GPR137B: variants seen among roughly 807,000 people sequenced by gnomAD.
GPR137B encodes integral membrane protein GPR137B.
Under a neutral mutation model 42.5 loss-of-function variants are expected in GPR137B, and 42 were observed. That is an observed-to-expected ratio of 0.99 (90% CI 0.77 to 1.28). The LOEUF (loss-of-function observed/expected upper bound fraction) is 1.28. Among genes scored for constraint, GPR137B ranks in the 50% most tolerant of loss-of-function variants. The pLI, the probability that GPR137B is intolerant of heterozygous loss-of-function variation, is 0.00. For synonymous variants in GPR137B, 218 were observed against 209.7 expected, an observed-to-expected ratio of 1.04 and a Z score of -0.34; for missense variants, 487 against 493.9, an observed-to-expected ratio of 0.99 and a Z score of 0.13.
intron 1 of GPR137B, among the ~76,000 whole-genome samples, chr1:236,167,059 T>C (rs1016738754): frequency 1.3e-5 from 2 of 152,166 alleles, no homozygotes; most frequent in Non-Finnish European, 2.9e-5. Flanking sequence ...GTTTAGGAAC[T>C]CCATGGAGAG....
chr1:236,165,849 T>A (rs1388934461), intron 1 of GPR137B, among the ~76,000 whole-genome samples: 2 of 152,234 alleles, frequency 1.3e-5, no homozygotes, highest in East Asian at 3.8e-4. Context: ...CGGTAATATT[T>A]CTTACCAATT....
rs529904868 is a variant in GPR137B, at chr1:236,190,415, T to A, written c.966+6509T>A. Among the ~76,000 whole-genome samples, 132 of 152,348 alleles carry A rather than the reference T, an allele frequency of 8.7e-4. 3 individuals are homozygous for A. In the Middle Eastern group the frequency reaches 0.01, roughly 12 times the overall value. On this transcript the variant is annotated intron_variant, in intron 5 of 6. Coordinates refer to ENST00000366592, the MANE Select transcript of GPR137B (RefSeq NM_003272.4). ...ATTTTGCCCATTAGTTGATGCAGCT[T>A]CTTTATAGTGTTGACGGGCTTTACA... is the stretch of plus-strand genomic sequence containing the variant.
At chr1:236,193,526 T>C (rs1203819187) in intron 5 of GPR137B, among the ~76,000 whole-genome samples, 1 of 152,194 alleles carries the variant, frequency 6.6e-6, no homozygotes, top group Non-Finnish European at 1.5e-5. Context: ...TCCACGCTCC[T>C]AGCACTTGTT....
At position 236,150,189 on chromosome 1, in the gene GPR137B, G is replaced by A. The variant is rs760885883; in HGVS notation, c.414+7153G>A. 2.0e-5 allele frequency among the ~76,000 whole-genome samples: 3 copies of A among 149,958 alleles called. No individual in the cohort carries two copies. The highest frequency in any genetic ancestry group is 4.4e-5 in the Non-Finnish European group (3 of 67,538). ...TGTGTGCCCGTTTGTGTTTGTGTGT[G>A]TCTGTGTGCCTGTGTGTGTGTCTGT... On this transcript the variant is annotated intron_variant, in intron 1 of 6. Coordinates refer to ENST00000366592, the MANE Select transcript of GPR137B (RefSeq NM_003272.4). The surrounding 1 kb of genome is among the most constrained non-coding windows in gnomAD (Gnocchi z 6.2).
At chr1:236,163,576 C>T (rs964477628) in intron 1 of GPR137B, among the ~76,000 whole-genome samples, 10 of 152,118 alleles carry the variant, frequency 6.6e-5, no homozygotes, top group South Asian at 2.1e-4. Context: ...AATTGAATCA[C>T]GGGGGCCGGT....
chr1:236,175,653 C>T (rs572608338), intron 2 of GPR137B, among the ~76,000 whole-genome samples: 1 of 152,234 alleles, frequency 6.6e-6, no homozygotes, highest in Middle Eastern at 3.4e-3. Context: ...TTGGCCCATA[C>T]CCCCCTCCCC....
intron 1 of GPR137B, among the ~76,000 whole-genome samples, chr1:236,154,742 A>G (rs950849443): frequency 6.6e-6 from 1 of 152,074 alleles, no homozygotes; most frequent in Non-Finnish European, 1.5e-5. Flanking sequence ...AAACTGGGGT[A>G]CTTTCCCTGC....
chr1:236,167,749 C>A (rs1662402972), intron 1 of GPR137B, among the ~76,000 whole-genome samples: 1 of 152,206 alleles, frequency 6.6e-6, no homozygotes, highest in African/African-American at 2.4e-5. Flanking sequence ...AGACCCCCCA[C>A]TGAGATCCCC....
rs1025380180 is a variant in GPR137B, at chr1:236,142,596, C to T, written c.-27C>T. ...TGAGCGCGATGCGCGGAGACCCCCG[C>T]GGGGGCGGCGGCGGCCGTGAGCCCC... On this transcript the variant is annotated 5_prime_UTR_variant, in exon 1 of 7. Transcript: ENST00000366592. The T allele has an allele frequency of 3.9e-6, 5 of 1,284,660 alleles. No homozygotes were observed. Among genetic ancestry groups the T allele is most frequent in the Admixed American group, 4.3e-5 (1 of 23,480 alleles). 79.6% of individuals were successfully genotyped at this position (1,284,660 alleles called of 1,614,324 possible). A position where few individuals can be genotyped will look rare whatever the true frequency, so the allele number is the denominator to read the frequency against.
intron 1 of GPR137B, among the ~76,000 whole-genome samples, chr1:236,149,406 C>T (rs974836198): frequency 6.6e-6 from 1 of 152,172 alleles, no homozygotes; most frequent in Non-Finnish European, 1.5e-5. Context: ...CTGACCGATC[C>T]GTGCTTGCTA....
chr1:236,169,692 C>T (rs1298495299), intron 2 of GPR137B, among the ~76,000 whole-genome samples: 1 of 151,978 alleles, frequency 6.6e-6, no homozygotes, highest in African/African-American at 2.4e-5. Flanking sequence ...GTAGCTCTCC[C>T]CAGAGGGGAG....
In GPR137B at chr1:236,183,573, G is replaced by A. The variant is rs75355636; in HGVS notation, c.838-205G>A. Among the ~76,000 whole-genome samples, 217 of 152,250 alleles carry A rather than the reference G, an allele frequency of 1.4e-3. 4 individuals carry two copies. Among genetic ancestry groups the A allele is most frequent in the African/African-American group, 5.0e-3 (207 of 41,540 alleles). ...CATTACTATTATCTGATTTCAATGT[G>A]CATATTTTAGGAGAATGTACTATAC... On this transcript the variant is annotated intron_variant, in intron 4 of 6. Coordinates refer to ENST00000366592, the MANE Select transcript of GPR137B (RefSeq NM_003272.4).
At chr1:236,199,214 A>G (rs776541144) in intron 5 of GPR137B, among the ~76,000 whole-genome samples, 2 of 152,090 alleles carry the variant, frequency 1.3e-5, no homozygotes, top group Non-Finnish European at 2.9e-5. Context: ...TGACTCATGT[A>G]TGTTAAACCA....
At chr1:236,157,025 C>T (rs762315036) in intron 1 of GPR137B, among the ~76,000 whole-genome samples, 5 of 152,132 alleles carry the variant, frequency 3.3e-5, no homozygotes, top group East Asian at 3.9e-4. Flanking sequence ...ACTTACTAGG[C>T]GGCAGGCATT....
chr1:236,205,125 G>C lies in GPR137B; in HGVS notation c.967-1G>C. The C allele has an allele frequency of 6.2e-7, 1 of 1,612,066 alleles. No individual in the cohort carries two copies. The highest frequency in any genetic ancestry group is 8.5e-7 in the Non-Finnish European group (1 of 1,178,440). ...TGCTGAATGATTACCTGTCTTTCTA[G>C]ACCAACCCTGGAATGGTCCCCAGCC... On this transcript the variant is annotated splice_acceptor_variant, in intron 5 of 6. Coordinates refer to ENST00000366592, the MANE Select transcript of GPR137B (RefSeq NM_003272.4). LOFTEE classifies it high-confidence loss of function.
intron 1 of GPR137B, among the ~76,000 whole-genome samples, chr1:236,166,088 G>A (rs866787024): frequency 1.3e-5 from 2 of 152,094 alleles, no homozygotes; most frequent in African/African-American, 2.4e-5. Context: ...TATATTGAAC[G>A]GGTCAAACAT....
intron 5 of GPR137B, among the ~76,000 whole-genome samples, chr1:236,192,376 GAAA>G (rs767500488): frequency 7.2e-6 from 1 of 139,518 alleles, no homozygotes; most frequent in South Asian, 2.3e-4. Context: ...GGGGTATGGG[GAAA>G]AAAAAAAAAA....
chr1:236,159,454 A>G (rs1019750590), intron 1 of GPR137B, among the ~76,000 whole-genome samples: 9 of 152,232 alleles, frequency 5.9e-5, no homozygotes, highest in African/African-American at 2.2e-4. Flanking sequence ...TCACGAGATC[A>G]GGAGTTCAAG....
chr1:236,186,291 TATATA>T (rs1663030622), intron 5 of GPR137B, among the ~76,000 whole-genome samples: 1 of 97,098 alleles, frequency 1.0e-5, no homozygotes, highest in Non-Finnish European at 1.9e-5. Flanking sequence ...ATATAAATAA[TATATA>T]ATATATATTA....
Sources: gnomAD v4.1 joint callset for allele counts (sites outside exome capture counted in the v4.1 genomes callset) on GRCh38, gnomAD v4.1.1 for gene constraint, Gnocchi (gnomAD v3.1) non-coding constraint, MANE v1.5 for transcripts, NCBI Gene and HGNC (gene_info 2026-07-23, HGNC 2026-07-21) for gene names.